Variants in CACNG2 observed in about 807,000 individuals in gnomAD.
CACNG2 encodes calcium voltage-gated channel auxiliary subunit gamma 2.
A neutral mutation model predicts 25.9 loss-of-function variants in CACNG2; 3 were observed. That is an observed-to-expected ratio of 0.12 (90% CI 0.05 to 0.30). The LOEUF is 0.30. Ranked by LOEUF, CACNG2 falls within the 10% of genes least tolerant of loss-of-function variation. The pLI is 1.00. For synonymous variants in CACNG2, 167 were observed against 173.3 expected (o/e 0.96, Z 0.29); for missense variants, 341 against 432.5 (o/e 0.79, Z 1.88).
intron 2 of CACNG2, among the ~76,000 whole-genome samples, chr22:36,576,525 G>C (rs1173605126): frequency 7.4e-6 from 1 of 134,952 alleles, no homozygotes; most frequent in Non-Finnish European, 1.6e-5. Flanking sequence ...ACAACCTCTG[G>C]AAATAAAAAA....
chr22:36,627,047 C>A (rs181961263), intron 1 of CACNG2, among the ~76,000 whole-genome samples: 117 of 152,354 alleles, frequency 7.7e-4, no homozygotes, highest in African/African-American at 2.7e-3. Flanking sequence ...CAAAGCCTGT[C>A]TATGTCAAAG....
intron 1 of CACNG2, among the ~76,000 whole-genome samples, chr22:36,589,676 G>C (rs540926998): frequency 9.7e-4 from 147 of 152,280 alleles, no homozygotes; most frequent in African/African-American, 3.5e-3. Context: ...TGGTCCCATG[G>C]ACAGGTGTCT....
Position 36,610,575 on chromosome 22 carries a change from A to G in CACNG2, c.212-23027T>C, listed in dbSNP as rs116080622. ...GGCAGATCAGGATGAGAAGGCCAGA[A>G]TCTTTGCTCTGAAATCTTCACAGAT... On this transcript the variant is annotated intron_variant, in intron 1 of 3. Coordinates refer to ENST00000300105, the MANE Select transcript of CACNG2 (RefSeq NM_006078.5). Among the ~76,000 whole-genome samples, 624 of 152,320 alleles carry G rather than the reference A, an allele frequency of 4.1e-3. 6 individuals carry two copies. The highest frequency in any genetic ancestry group is 0.014 in the African/African-American group (594 of 41,570).
intron 2 of CACNG2, among the ~76,000 whole-genome samples, chr22:36,571,882 CAAAAAAA>C (rs1190439992): frequency 1.0e-5 from 1 of 99,488 alleles, no homozygotes; most frequent in Non-Finnish European, 2.3e-5. Context: ...GTCTCAAAAA[CAAAAAAA>C]AAAAAAAAAA....
At chr22:36,673,715 C>T (rs1320667330) in intron 1 of CACNG2, among the ~76,000 whole-genome samples, 2 of 152,220 alleles carry the variant, frequency 1.3e-5, no homozygotes, top group African/African-American at 4.8e-5. Context: ...AGAGGGGCTT[C>T]GGCCTCTCTC....
rs138462947 is a variant in CACNG2, at chr22:36,591,487, T to A, written c.212-3939A>T. 4.8e-3 allele frequency among the ~76,000 whole-genome samples: 728 copies of A among 151,622 alleles called. 7 individuals carry two copies. The highest frequency in any genetic ancestry group is 0.017 in the African/African-American group (697 of 41,306). ...CAGTTCAAGACCAGCCTGGGCAACATAGCAAGACCCTATATCTACAAAAAA... is the reference window on the plus strand; with the variant it reads ...CAGTTCAAGACCAGCCTGGGCAACAAAGCAAGACCCTATATCTACAAAAAA... On this transcript the variant is annotated intron_variant, in intron 1 of 3. Coordinates refer to ENST00000300105, the MANE Select transcript of CACNG2 (RefSeq NM_006078.5).
At chr22:36,613,156 C>G (rs12158845) in intron 1 of CACNG2, among the ~76,000 whole-genome samples, 19,443 of 146,130 alleles carry the variant, frequency 0.13, 3,195 homozygotes, top group African/African-American at 0.4. Flanking sequence ...TACAGGCTCT[C>G]TGTGTGTGTG....
intron 1 of CACNG2, among the ~76,000 whole-genome samples, chr22:36,611,963 G>A (rs930045632): frequency 6.6e-6 from 1 of 152,190 alleles, no homozygotes; most frequent in Non-Finnish European, 1.5e-5. Flanking sequence ...TCTGTAAACC[G>A]GGTTAATAAC....
chr22:36,668,122 C>T (rs1281874841), intron 1 of CACNG2, among the ~76,000 whole-genome samples: 6 of 152,210 alleles, frequency 3.9e-5, no homozygotes, highest in Non-Finnish European at 5.9e-5. Context: ...CCTGCAGCTC[C>T]GCATCCTGAT....
chr22:36,680,284 A>G (rs368542219), intron 1 of CACNG2, among the ~76,000 whole-genome samples: 2 of 150,564 alleles, frequency 1.3e-5, no homozygotes, highest in Non-Finnish European at 3.0e-5. Flanking sequence ...CACCATCACC[A>G]CCACCTTCAT....
chr22:36,640,348 A>C (rs1280169141), intron 1 of CACNG2, among the ~76,000 whole-genome samples: 1 of 152,164 alleles, frequency 6.6e-6, no homozygotes, highest in Non-Finnish European at 1.5e-5. Context: ...GGCTGGAGGG[A>C]GATTACAAGG....
chr22:36,683,932 G>A lies in CACNG2; in HGVS notation c.211+18434C>T, dbSNP rs190248422. Among the ~76,000 whole-genome samples the A allele has an allele frequency of 9.8e-3, 1,489 of 152,268 alleles. 9 individuals are homozygous for A. Among genetic ancestry groups the A allele is most frequent in the Non-Finnish European group, 0.015 (1,012 of 68,036 alleles). ...ATGGGTCAAATTGTAACTAAGAACC[G>A]AGTGCTCCCGACGCCTCAGAAAGGC... On this transcript the variant is annotated intron_variant, in intron 1 of 3. Transcript: ENST00000300105.
intron 1 of CACNG2, among the ~76,000 whole-genome samples, chr22:36,617,889 C>A (rs1396873049): frequency 6.6e-6 from 1 of 151,838 alleles, no homozygotes; most frequent in Non-Finnish European, 1.5e-5. Flanking sequence ...GGGTTGGTAA[C>A]CATCAACCCG....
intron 1 of CACNG2, among the ~76,000 whole-genome samples, chr22:36,660,587 C>T (rs141503649): frequency 0.02 from 3,055 of 152,354 alleles, 56 homozygotes; most frequent in Non-Finnish European, 0.031. Flanking sequence ...GACGCTGCTA[C>T]TTTCAGTGTG....
intron 1 of CACNG2, among the ~76,000 whole-genome samples, chr22:36,625,606 C>T (rs987742232): frequency 3.3e-5 from 5 of 152,114 alleles, no homozygotes; most frequent in Admixed American, 2.0e-4. Context: ...AGATCATCAC[C>T]GATGATAGCA....
chr22:36,626,901 G>A (rs547724648), intron 1 of CACNG2, among the ~76,000 whole-genome samples: 2 of 152,326 alleles, frequency 1.3e-5, no homozygotes, highest in Admixed American at 1.3e-4. Context: ...TTCGGTGCAA[G>A]CCGACTTCAT....
intron 1 of CACNG2, among the ~76,000 whole-genome samples, chr22:36,656,486 T>C (rs1266336094): frequency 6.6e-6 from 1 of 152,186 alleles, no homozygotes; most frequent in Non-Finnish European, 1.5e-5. Context: ...CTACCCCTAA[T>C]TCAAGCCACA....
At chr22:36,659,554 C>T (rs1407448972) in intron 1 of CACNG2, among the ~76,000 whole-genome samples, 3 of 151,114 alleles carry the variant, frequency 2.0e-5, no homozygotes, top group African/African-American at 7.3e-5. Flanking sequence ...CCCAGGTTCT[C>T]TCCTGTGACC....
At chr22:36,574,888 G>A (rs1287516221) in intron 2 of CACNG2, among the ~76,000 whole-genome samples, 2 of 152,340 alleles carry the variant, frequency 1.3e-5, no homozygotes, top group East Asian at 3.9e-4. Context: ...AGATGCCTTG[G>A]GGATGTGCAT....
Sources: gnomAD v4.1 joint callset for allele counts (sites outside exome capture counted in the v4.1 genomes callset) on GRCh38, gnomAD v4.1.1 for gene constraint, MANE v1.5 for transcripts, NCBI Gene and HGNC (gene_info 2026-07-23, HGNC 2026-07-21) for gene names.